ADAMTSL1: variants seen among roughly 807,000 people sequenced by gnomAD.
ADAMTSL1 encodes ADAMTS-like protein 1.
A neutral mutation model predicts 201.8 loss-of-function variants in ADAMTSL1; 126 were observed. That is an observed-to-expected ratio of 0.62 (90% CI 0.54 to 0.72). ADAMTSL1 has a LOEUF of 0.72. Ranked by LOEUF, ADAMTSL1 falls within the 30% of genes least tolerant of loss-of-function variation. The probability of loss-of-function intolerance (pLI) is 0.00; values close to 1 mark genes in which losing one functional copy is unlikely to be tolerated. For missense variants in ADAMTSL1, 2,679 were observed against 2,277.8 expected (o/e 1.18, Z -3.59); for synonymous variants, 1,121 against 903.4 (o/e 1.24, Z -4.32).
At chr9:18,872,341 A>G (rs1827917138) in intron 23 of ADAMTSL1, among the ~76,000 whole-genome samples, 1 of 152,058 alleles carries the variant, frequency 6.6e-6, no homozygotes, top group African/African-American at 2.4e-5. Context: ...CTTTTTTATT[A>G]TTAATTTCAG....
intron 1 of ADAMTSL1, among the ~76,000 whole-genome samples, chr9:18,035,964 C>G (rs1054992046): frequency 2.0e-5 from 3 of 152,142 alleles, no homozygotes; most frequent in African/African-American, 7.2e-5. Flanking sequence ...TCCTTACCCC[C>G]TATCTTGCTA....
At chr9:18,536,574 T>A (rs1471314722) in intron 3 of ADAMTSL1, among the ~76,000 whole-genome samples, 1 of 152,134 alleles carries the variant, frequency 6.6e-6, no homozygotes, top group Non-Finnish European at 1.5e-5. Context: ...ATAGTCATGG[T>A]ACTTTCTTAC....
intron 2 of ADAMTSL1, among the ~76,000 whole-genome samples, chr9:18,198,949 G>A (rs1390527845): frequency 1.4e-5 from 2 of 142,634 alleles, no homozygotes; most frequent in Non-Finnish European, 3.1e-5. Flanking sequence ...ATGAGTTCAT[G>A]TCCTTTGCAG....
chr9:18,724,845 A>G (rs965349712), intron 15 of ADAMTSL1, among the ~76,000 whole-genome samples: 1 of 151,936 alleles, frequency 6.6e-6, no homozygotes, highest in East Asian at 1.9e-4. Context: ...GATGCTGTTG[A>G]TCCTTTCCTT....
intron 15 of ADAMTSL1, among the ~76,000 whole-genome samples, chr9:18,732,069 T>G (rs1371996338): frequency 1.3e-5 from 2 of 152,156 alleles, no homozygotes; most frequent in African/African-American, 4.8e-5. Context: ...GCAGGGTTGG[T>G]AAGGATGATC....
intron 1 of ADAMTSL1, among the ~76,000 whole-genome samples, chr9:18,099,356 T>TATATATACATATATATATATATA (rs60877701): frequency 2.5e-5 from 1 of 39,698 alleles, no homozygotes; most frequent in Non-Finnish European, 4.6e-5. Flanking sequence ...TATATATATA[T>TATATATACATATATATATATATA]TTTTTTTTTT....
intron 2 of ADAMTSL1, among the ~76,000 whole-genome samples, chr9:18,304,329 A>G (rs1230554849): frequency 1.3e-5 from 2 of 150,392 alleles, no homozygotes; most frequent in African/African-American, 2.5e-5. Context: ...GGCCTCAAGG[A>G]ATAGAGTTTT....
chr9:18,468,996 C>T (rs970071696), intron 2 of ADAMTSL1, among the ~76,000 whole-genome samples: 4 of 152,124 alleles, frequency 2.6e-5, no homozygotes, highest in Non-Finnish European at 5.9e-5. Flanking sequence ...ATATTTTTTG[C>T]CCATTACACA....
chr9:18,297,835 C>G (rs559561244), intron 2 of ADAMTSL1, among the ~76,000 whole-genome samples: 2 of 152,130 alleles, frequency 1.3e-5, no homozygotes, highest in Non-Finnish European at 2.9e-5. Context: ...AAATATTGTA[C>G]CTAGTATTTC....
intron 1 of ADAMTSL1, among the ~76,000 whole-genome samples, chr9:18,069,554 T>A (rs1483341190): frequency 2.0e-5 from 3 of 152,242 alleles, no homozygotes; most frequent in African/African-American, 7.2e-5. Flanking sequence ...ACCCATTAAC[T>A]TGATTTCAAA....
chr9:18,316,305 A>G (rs1215259272), intron 2 of ADAMTSL1, among the ~76,000 whole-genome samples: 1 of 152,080 alleles, frequency 6.6e-6, no homozygotes, highest in Non-Finnish European at 1.5e-5. Flanking sequence ...TTTGAGGGCA[A>G]CTGGTCTGAC....
In ADAMTSL1 at chr9:18,373,972, G is replaced by C. The variant is rs1338605979; in HGVS notation, c.208-130857G>C. Among the ~76,000 whole-genome samples the C allele has an allele frequency of 2.0e-5, 3 of 152,280 alleles. No individual in the cohort carries two copies. In the South Asian group the frequency reaches 6.2e-4, roughly 32 times the overall value. On this transcript the variant is annotated intron_variant, in intron 2 of 29. Transcript: ENST00000680146. ...CAGCATGTATTGGGCAGTTATCATA[G>C]ACTAGGAACTGGGCTAGGAACTTTC...
chr9:18,149,559 A>G (rs1826816765), intron 1 of ADAMTSL1, among the ~76,000 whole-genome samples: 1 of 152,020 alleles, frequency 6.6e-6, no homozygotes, highest in South Asian at 2.1e-4. Context: ...GAAAAGCATC[A>G]TCTCAGGCCC....
At chr9:18,157,289 C>T (rs569691403) in intron 1 of ADAMTSL1, among the ~76,000 whole-genome samples, 16 of 152,082 alleles carry the variant, frequency 1.1e-4, no homozygotes, top group Admixed American at 7.9e-4. Context: ...GTGGGATTTA[C>T]GTTTGATAGT....
At chr9:17,942,046 T>A (rs2131349246) in intron 1 of ADAMTSL1, among the ~76,000 whole-genome samples, 1 of 152,300 alleles carries the variant, frequency 6.6e-6, no homozygotes, top group South Asian at 2.1e-4. Flanking sequence ...GTTCATTATA[T>A]AGCTGCTGCC....
intron 1 of ADAMTSL1, among the ~76,000 whole-genome samples, chr9:17,927,268 C>T (rs950651738): frequency 4.6e-5 from 7 of 152,028 alleles, no homozygotes; most frequent in African/African-American, 7.3e-5. Context: ...AATAATATTC[C>T]ACTGCATGAA....
chr9:18,892,703 C>A, intron 26 of ADAMTSL1, 107 bp downstream of exon 26: 1 of 1,297,890 alleles, frequency 7.7e-7, no homozygotes, highest in Non-Finnish European at 1.1e-6. Flanking sequence ...CCTCCTTTCA[C>A]ATTCTGATTG....
chr9:18,793,025 A>T (rs1347676190), intron 19 of ADAMTSL1, among the ~76,000 whole-genome samples: 1 of 152,264 alleles, frequency 6.6e-6, no homozygotes, highest in Non-Finnish European at 1.5e-5. Context: ...AAGCTCTCAG[A>T]GGCTTCCTTT....
intron 2 of ADAMTSL1, among the ~76,000 whole-genome samples, chr9:18,307,748 A>C (rs1833964454): frequency 6.6e-6 from 1 of 152,136 alleles, no homozygotes; most frequent in Admixed American, 6.5e-5. Context: ...TAATAGTGGG[A>C]GACTTTAACA....
Sources: gnomAD v4.1 joint callset for allele counts (sites outside exome capture counted in the v4.1 genomes callset) on GRCh38, gnomAD v4.1.1 for gene constraint, MANE v1.5 for transcripts, NCBI Gene and HGNC (gene_info 2026-07-23, HGNC 2026-07-21) for gene names.